CERKL: variants seen among roughly 807,000 people sequenced by gnomAD.
The protein encoded by CERKL is CERK like autophagy regulator.
In CERKL, 61 loss-of-function variants were observed where a neutral mutation model predicts 63.4. That is an observed-to-expected ratio of 0.96 (90% CI 0.78 to 1.19). The LOEUF (loss-of-function observed/expected upper bound fraction) is 1.19. CERKL is among the 50% of genes most tolerant of loss of function. CERKL has a pLI of 0.00. For missense variants in CERKL, 675 were observed against 655.5 expected (o/e 1.03, Z -0.33); for synonymous variants, 250 against 230.5 (o/e 1.08, Z -0.77).
intron 12 of CERKL, 130 bp downstream of exon 12, chr2:181,538,962 T>G (rs890305368): frequency 1.4e-6 from 1 of 722,638 alleles, no homozygotes; most frequent in African/African-American, 1.8e-5. Context: ...CTCTTTATGC[T>G]TCCCTGATTT....
chr2:181,614,574 T>C (rs1307340705), intron 1 of CERKL, among the ~76,000 whole-genome samples: 1 of 152,214 alleles, frequency 6.6e-6, no homozygotes, highest in Non-Finnish European at 1.5e-5. Flanking sequence ...GAAAAAATAT[T>C]ACATCTTTTA....
intron 1 of CERKL, among the ~76,000 whole-genome samples, chr2:181,646,333 C>T (rs774211926): frequency 6.6e-6 from 1 of 152,184 alleles, no homozygotes; most frequent in Non-Finnish European, 1.5e-5. Flanking sequence ...TATTATCTAA[C>T]CCACATAAGC....
At chr2:181,559,416 T>G (rs1292612396) in intron 4 of CERKL, among the ~76,000 whole-genome samples, 3 of 152,174 alleles carry the variant, frequency 2.0e-5, no homozygotes, top group Non-Finnish European at 4.4e-5. Context: ...AAGCAAAATA[T>G]TCTTACGTAT....
chr2:181,548,267 C>CAAAGG (rs1175997764), intron 8 of CERKL: 14 of 486,262 alleles, frequency 2.9e-5, no homozygotes, highest in African/African-American at 2.8e-4. Flanking sequence ...GGGAAAAAAA[C>CAAAGG]AAAGGAAAGG....
At chr2:181,540,148 T>C (rs1687435212) in intron 11 of CERKL, among the ~76,000 whole-genome samples, 1 of 152,166 alleles carries the variant, frequency 6.6e-6, no homozygotes, top group African/African-American at 2.4e-5. Flanking sequence ...AACTTTCCAG[T>C]TTATACTGTA....
chr2:181,615,792 A>G (rs575633473), intron 1 of CERKL, among the ~76,000 whole-genome samples: 11 of 152,252 alleles, frequency 7.2e-5, no homozygotes, highest in Non-Finnish European at 1.2e-4. Context: ...AGGTTAAACT[A>G]GGGTTTAAAC....
intron 2 of CERKL, among the ~76,000 whole-genome samples, chr2:181,586,063 A>T (rs569427293): frequency 5.3e-5 from 8 of 152,312 alleles, no homozygotes; most frequent in African/African-American, 1.9e-4. Context: ...CTGCCAAATG[A>T]TGCAGTAAAC....
chr2:181,543,810 C>T (rs549994557), intron 11 of CERKL, among the ~76,000 whole-genome samples: 2 of 151,968 alleles, frequency 1.3e-5, no homozygotes, highest in Non-Finnish European at 2.9e-5. Context: ...ATGGTGAAAC[C>T]CTGTCTCTAC....
At chr2:181,585,046 C>T (rs1684701351) in intron 2 of CERKL, among the ~76,000 whole-genome samples, 1 of 151,864 alleles carries the variant, frequency 6.6e-6, no homozygotes, top group Admixed American at 6.6e-5. Context: ...TTACTTTCAG[C>T]TTTCTTCTAA....
rs1267362169 is a variant in CERKL, at chr2:181,609,533, T to TGAAAAA, written c.239-5455_239-5454insTTTTTC. On this transcript the variant is annotated intron_variant, in intron 1 of 12. Transcript: ENST00000410087. The stretch of plus-strand genomic sequence containing the variant: ...CACCATGGTGAAACCCTGTCTCTAC[T>TGAAAAA]AAAAAAAAAAAAAAAAAAAAAAATT... Among the ~76,000 whole-genome samples, 100 of 70,220 alleles carry TGAAAAA rather than the reference T, an allele frequency of 1.4e-3. 2 individuals are homozygous for TGAAAAA. The highest frequency in any genetic ancestry group is 7.8e-3 in the Middle Eastern group (1 of 128). 46.1% of individuals were successfully genotyped at this position (70,220 alleles called of 152,430 possible).
chr2:181,602,995 A>G (rs1245623483), intron 2 of CERKL: 1 of 159,528 alleles, frequency 6.3e-6, no homozygotes, highest in Non-Finnish European at 1.4e-5. Context: ...ATTTGTACTT[A>G]TGAATTTTAT....
intron 4 of CERKL, among the ~76,000 whole-genome samples, chr2:181,561,595 T>C (rs901222548): frequency 6.6e-6 from 1 of 152,062 alleles, no homozygotes; most frequent in Non-Finnish European, 1.5e-5. Context: ...AAGCTATCAT[T>C]TGCAGGAGAA....
intron 5 of CERKL, among the ~76,000 whole-genome samples, chr2:181,552,583 C>T (rs1361770466): frequency 6.6e-6 from 1 of 152,136 alleles, no homozygotes; most frequent in Non-Finnish European, 1.5e-5. Flanking sequence ...ATTACCCAGT[C>T]TTGGGTATTT....
chr2:181,576,723 G>A (rs1400133084), intron 2 of CERKL, among the ~76,000 whole-genome samples: 1 of 152,252 alleles, frequency 6.6e-6, no homozygotes, highest in African/African-American at 2.4e-5. Flanking sequence ...GGAAATGGTT[G>A]TGCTTGGACT....
rs146998999 is a variant in CERKL, at chr2:181,609,343, T to A, written c.239-5264A>T. Reference sequence around the variant, plus strand: ...TGATGTAAGGAATGGACAAGGAATCTCATAAAATATTTGAAAATTCTCTTG... The same window carrying A: ...TGATGTAAGGAATGGACAAGGAATCACATAAAATATTTGAAAATTCTCTTG... On this transcript the variant is annotated intron_variant, in intron 1 of 12. Coordinates refer to ENST00000410087, the MANE Select transcript of CERKL (RefSeq NM_201548.5). Among the ~76,000 whole-genome samples the A allele has an allele frequency of 6.9e-5, 10 of 145,748 alleles. No individual in the cohort carries two copies. In the East Asian group the frequency reaches 2.0e-3, roughly 30 times the overall value.
intron 1 of CERKL, among the ~76,000 whole-genome samples, chr2:181,640,100 G>A (rs1460005934): frequency 3.3e-5 from 5 of 152,084 alleles, no homozygotes; most frequent in Admixed American, 3.3e-4. Flanking sequence ...ACTATTTTTG[G>A]TGCCTATACC....
chr2:181,584,756 A>G (rs1684687081), intron 2 of CERKL, among the ~76,000 whole-genome samples: 1 of 151,644 alleles, frequency 6.6e-6, no homozygotes, highest in Non-Finnish European at 1.5e-5. Context: ...TAGTGGCCAC[A>G]TATCCATTTT....
chr2:181,631,126 G>A (rs1337085558), intron 1 of CERKL, among the ~76,000 whole-genome samples: 1 of 152,202 alleles, frequency 6.6e-6, no homozygotes, highest in Admixed American at 6.5e-5. Flanking sequence ...CCTTGTGTAA[G>A]ATTTGAAAGC....
chr2:181,607,889 G>A (rs1685784756), intron 1 of CERKL, among the ~76,000 whole-genome samples: 1 of 152,182 alleles, frequency 6.6e-6, no homozygotes, highest in Non-Finnish European at 1.5e-5. Context: ...ATATAGATAA[G>A]ATGTATCTCT....
Sources: gnomAD v4.1 joint callset for allele counts (sites outside exome capture counted in the v4.1 genomes callset) on GRCh38, gnomAD v4.1.1 for gene constraint, MANE v1.5 for transcripts, NCBI Gene and HGNC (gene_info 2026-07-23, HGNC 2026-07-21) for gene names.